The following OLFML2B variants were observed in gnomAD, a reference collection of about 807,000 sequenced individuals.
OLFML2B encodes olfactomedin like 2B, also known as olfactomedin-like protein 2B.
A neutral mutation model predicts 74.9 loss-of-function variants in OLFML2B; 57 were observed. The observed-to-expected ratio is 0.76, with a 90% confidence interval of 0.61 to 0.95. OLFML2B has a LOEUF of 0.95. Ranked by LOEUF, OLFML2B falls within the 40% of genes least tolerant of loss-of-function variation. OLFML2B has a pLI of 0.00. For missense variants in OLFML2B, 986 were observed against 970.6 expected, an observed-to-expected ratio of 1.02 and a Z score of -0.21; for synonymous variants, 388 against 405.8, an observed-to-expected ratio of 0.96 and a Z score of 0.53.
intron 3 of OLFML2B, among the ~76,000 whole-genome samples, chr1:162,015,720 T>C (rs1690511105): frequency 6.6e-6 from 1 of 152,188 alleles, no homozygotes; most frequent in Non-Finnish European, 1.5e-5. Context: ...AGTCCATTAG[T>C]AGTGGGATGG....
intron 6 of OLFML2B, among the ~76,000 whole-genome samples, chr1:161,986,101 G>A (rs1178698087): frequency 6.6e-6 from 1 of 152,190 alleles, no homozygotes; most frequent in Admixed American, 6.5e-5. Flanking sequence ...GGCAGTGAGA[G>A]AGCCACATGA....
At chr1:162,020,210 C>A in intron 1 of OLFML2B, 28 bp from the exon 2 acceptor site, 1 of 1,608,742 alleles carries the variant, frequency 6.2e-7, no homozygotes, top group Non-Finnish European at 8.5e-7. Flanking sequence ...GGGTTAGGGG[C>A]ATGCAAACAC....
At chr1:162,012,188 G>A (rs4415542) in intron 3 of OLFML2B, among the ~76,000 whole-genome samples, 5,512 of 152,184 alleles carry the variant, frequency 0.036, 130 homozygotes, top group Middle Eastern at 0.071. Flanking sequence ...CAAACCCCTC[G>A]GAAAGAGCAG....
chr1:162,003,888 C>T (rs573159682), intron 4 of OLFML2B, among the ~76,000 whole-genome samples: 6 of 152,286 alleles, frequency 3.9e-5, no homozygotes, highest in East Asian at 3.9e-4. Context: ...TTGGGGCCTC[C>T]GGCACCACTT....
At chr1:161,999,263 T>C (rs1476480874) in intron 5 of OLFML2B, among the ~76,000 whole-genome samples, 2 of 152,064 alleles carry the variant, frequency 1.3e-5, no homozygotes, top group Admixed American at 6.5e-5. Context: ...AAAAACACCA[T>C]TAAGGAACTA....
chr1:162,015,855 C>T (rs760093660), intron 3 of OLFML2B, among the ~76,000 whole-genome samples: 9 of 152,154 alleles, frequency 5.9e-5, no homozygotes, highest in Non-Finnish European at 1.2e-4. Context: ...GAGGAGGAGG[C>T]TGATGCGGTT....
rs776949927 is a variant in OLFML2B at position 161,997,854 on chromosome 1, T to C, written c.1445A>G (p.Glu482Gly). 5.6e-6 allele frequency: 9 copies of C among 1,613,744 alleles called. No individual in the cohort carries two copies. Among genetic ancestry groups the C allele is most frequent in the South Asian group, 1.1e-5 (1 of 91,038 alleles). ...TTPASPTLSPEEEDDIRNVIG... is the reference protein window; with the variant it reads ...TTPASPTLSPGEEDDIRNVIG... ...GACATTCCGGATGTCATCTTCTTCT[T>C]CGGGGCTCAGCGTGGGGCTGGCAGG... is the stretch of plus-strand genomic sequence containing the variant. Residue 482 changes from glutamate to glycine, a missense_variant, in exon 6 of 8, where the codon GAA becomes GGA. Glu to Gly is a moderately conservative substitution (Grantham distance 98). Transcript: ENST00000294794.
chr1:162,021,687 G>A (rs1172086323), intron 1 of OLFML2B, among the ~76,000 whole-genome samples: 1 of 152,210 alleles, frequency 6.6e-6, no homozygotes, highest in African/African-American at 2.4e-5. Context: ...AGGTGGTGTA[G>A]TTAAGGGTGA....
chr1:162,011,834 C>T (rs34359918), intron 3 of OLFML2B, among the ~76,000 whole-genome samples: 12,115 of 152,262 alleles, frequency 0.08, 606 homozygotes, highest in South Asian at 0.16. Flanking sequence ...TAGAGCCACT[C>T]GAGCCATGCA....
chr1:161,998,649 T>A lies in OLFML2B; in HGVS notation c.950-300A>T, dbSNP rs182544980. Among the ~76,000 whole-genome samples the A allele has an allele frequency of 4.5e-4, 69 of 151,784 alleles. No homozygotes were observed. In the East Asian group the frequency reaches 0.013, roughly 29 times the overall value. ...ACCCCGATGGCTGGGAGTAAGTGAG[T>A]CATCCAATCCATCCTTCCAGCACAT... On this transcript the variant is annotated intron_variant, in intron 5 of 7. Transcript: ENST00000294794.
intron 1 of OLFML2B, among the ~76,000 whole-genome samples, chr1:162,020,872 G>T (rs1690684741): frequency 6.6e-6 from 1 of 152,184 alleles, no homozygotes; most frequent in Non-Finnish European, 1.5e-5. Context: ...TGAAAAGTTG[G>T]TATTCAAGTT....
At chr1:161,991,713 GT>G (rs1232060952) in intron 6 of OLFML2B, among the ~76,000 whole-genome samples, 2 of 152,198 alleles carry the variant, frequency 1.3e-5, no homozygotes, top group African/African-American at 4.8e-5. Context: ...TCCAGCCTTG[GT>G]GACAGAGCAA....
rs116670170 is a variant in OLFML2B, at chr1:161,998,066, C to A, written c.1233G>T (p.Gln411His). 3.1e-3 allele frequency: 4,969 copies of A among 1,614,012 alleles called. 9 individuals are homozygous for A. The highest frequency in any genetic ancestry group is 3.7e-3 in the Non-Finnish European group (4,366 of 1,180,002). Residue 411 changes from glutamine to histidine, a missense_variant, in exon 6 of 8, where the codon CAG (glutamine) becomes CAT (histidine). Gln to His is a conservative substitution (Grantham distance 24). Transcript: ENST00000294794. ...TGGTGGCTGGTACCTGAGGAGAAGGCTGCAGGACTGACTCCCTTGTGGGAT... is the reference window on the plus strand; with the variant it reads ...TGGTGGCTGGTACCTGAGGAGAAGGATGCAGGACTGACTCCCTTGTGGGAT... ...SPDPTRESVL[Q>H]PSPQVPATTV...
intron 4 of OLFML2B, among the ~76,000 whole-genome samples, chr1:162,000,928 A>G (rs1690065949): frequency 1.3e-5 from 2 of 152,182 alleles, no homozygotes; most frequent in Non-Finnish European, 2.9e-5. Context: ...AATAAAGTCC[A>G]AAGTAAAACT....
chr1:161,985,289 T>C (rs1320451766), intron 6 of OLFML2B: 1 of 255,778 alleles, frequency 3.9e-6, no homozygotes, highest in Admixed American at 5.1e-5. Context: ...TATGACATCA[T>C]GCCCTCCTCT....
chr1:162,003,500 T>C (rs749481659), intron 4 of OLFML2B, among the ~76,000 whole-genome samples: 21 of 152,182 alleles, frequency 1.4e-4, no homozygotes, highest in Admixed American at 5.9e-4. Flanking sequence ...CCAGAGAACA[T>C]ATAATTTCCA....
intron 5 of OLFML2B, 57 bp from the exon 6 acceptor site, chr1:161,998,406 CAA>C: frequency 1.3e-6 from 2 of 1,513,168 alleles, no homozygotes; most frequent in Non-Finnish European, 1.8e-6. Context: ...CTACAGATGA[CAA>C]GAGCACATGG....
intron 1 of OLFML2B, among the ~76,000 whole-genome samples, chr1:162,021,136 G>A (rs968829118): frequency 2.6e-5 from 4 of 152,224 alleles, no homozygotes; most frequent in Non-Finnish European, 5.9e-5. Context: ...TCTTCGAGGA[G>A]TGGCATTTAA....
chr1:162,023,124 TG>T (rs1690773477), intron 1 of OLFML2B, 132 bp downstream of exon 1: 1 of 828,322 alleles, frequency 1.2e-6, no homozygotes, highest in Admixed American at 3.4e-5. Context: ...TTCCGATACA[TG>T]AAAAATCAAA....
Sources: gnomAD v4.1 joint callset for allele counts (sites outside exome capture counted in the v4.1 genomes callset) on GRCh38, gnomAD v4.1.1 for gene constraint, MANE v1.5 for transcripts, NCBI Gene and HGNC (gene_info 2026-07-23, HGNC 2026-07-21) for gene names.